The following ZNF292 variants were observed in gnomAD, a reference collection of about 807,000 sequenced individuals.
ZNF292 encodes 16 zinc-finger domain protein.
A neutral mutation model predicts 217.9 loss-of-function variants in ZNF292; 26 were observed. That is an observed-to-expected ratio of 0.12 (90% confidence interval 0.09 to 0.17). The LOEUF (loss-of-function observed/expected upper bound fraction) is 0.17, where lower values mean the gene tolerates loss of function less well. Among genes scored for constraint, ZNF292 ranks in the 10% least tolerant of loss-of-function variants. The pLI, the probability that ZNF292 is intolerant of heterozygous loss-of-function variation, is 1.00. For synonymous variants in ZNF292, 1,257 were observed against 1,124.1 expected, an observed-to-expected ratio of 1.12 and a Z score of -2.37; for missense variants, 2,904 against 3,175.2, an observed-to-expected ratio of 0.91 and a Z score of 2.05.
At chr6:87,190,220 C>G (rs1771785426) in intron 1 of ZNF292, among the ~76,000 whole-genome samples, 1 of 152,150 alleles carries the variant, frequency 6.6e-6, no homozygotes, top group African/African-American at 2.4e-5. Context: ...TCCTTGCTAA[C>G]CATAATACCA....
At chr6:87,196,400 C>G (rs1037723919) in intron 1 of ZNF292, among the ~76,000 whole-genome samples, 28 of 152,134 alleles carry the variant, frequency 1.8e-4, no homozygotes, top group Admixed American at 8.5e-4. Flanking sequence ...CCTCTTTTGA[C>G]TGTTTACTTT....
At chr6:87,238,259 G>A (rs1282330250) in intron 5 of ZNF292, among the ~76,000 whole-genome samples, 1 of 151,980 alleles carries the variant, frequency 6.6e-6, no homozygotes, top group African/African-American at 2.4e-5. Flanking sequence ...CACCAAAGTG[G>A]GTGTATCACC....
intron 1 of ZNF292, among the ~76,000 whole-genome samples, chr6:87,186,792 A>G (rs1771674605): frequency 6.6e-6 from 1 of 152,212 alleles, no homozygotes; most frequent in Non-Finnish European, 1.5e-5. Flanking sequence ...GATAATTTGG[A>G]GTGGAAGGAT....
At chr6:87,180,114 A>G (rs1286458772) in intron 1 of ZNF292, among the ~76,000 whole-genome samples, 1 of 152,238 alleles carries the variant, frequency 6.6e-6, no homozygotes, top group Non-Finnish European at 1.5e-5. Context: ...TGGGCCACAC[A>G]TAACATACAC....
At chr6:87,220,753 C>G (rs192929579) in intron 4 of ZNF292, among the ~76,000 whole-genome samples, 1 of 152,136 alleles carries the variant, frequency 6.6e-6, no homozygotes, top group Admixed American at 6.5e-5. Flanking sequence ...ATGTCTCTGC[C>G]CATCTCTGTG....
chr6:87,199,790 G>A (rs1204237639), intron 1 of ZNF292, among the ~76,000 whole-genome samples: 2 of 152,136 alleles, frequency 1.3e-5, no homozygotes, highest in African/African-American at 4.8e-5. Context: ...TATACAATGA[G>A]TATAAATGAC....
chr6:87,226,605 C>T (rs1021565358), intron 4 of ZNF292, among the ~76,000 whole-genome samples: 1 of 148,334 alleles, frequency 6.7e-6, no homozygotes, highest in Non-Finnish European at 1.5e-5. Flanking sequence ...AGCTCCTAGA[C>T]AAGGACATTA....
chr6:87,244,978 T>C (rs1441082203), intron 6 of ZNF292, among the ~76,000 whole-genome samples: 1 of 152,176 alleles, frequency 6.6e-6, no homozygotes, highest in Non-Finnish European at 1.5e-5. Flanking sequence ...CAGTGGCTCA[T>C]GCCTGTAATC....
chr6:87,159,576 C>T (rs971725488), intron 1 of ZNF292, among the ~76,000 whole-genome samples: 1 of 150,500 alleles, frequency 6.6e-6, no homozygotes, highest in African/African-American at 2.5e-5. Context: ...AATCTGGGCT[C>T]ACCACAACCT....
intron 1 of ZNF292, among the ~76,000 whole-genome samples, chr6:87,159,688 G>C (rs1770664916): frequency 6.6e-6 from 1 of 151,780 alleles, no homozygotes; most frequent in South Asian, 2.1e-4. Context: ...TTTTACTAGA[G>C]ACAGGGTTTC....
rs1220109850 is a variant in ZNF292, at chr6:87,260,777, T to G, written c.7148T>G (p.Val2383Gly). 1.2e-6 allele frequency: 2 copies of G among 1,613,288 alleles called. No homozygotes were observed. The highest frequency in any genetic ancestry group is 1.7e-6 in the Non-Finnish European group (2 of 1,179,626). The change falls in exon 8 of 8, where the codon GTA (valine) becomes GGA (glycine). Residue 2383 changes from valine (V) to glycine (G), a missense_variant. By Grantham distance (109) the Val-to-Gly change is moderately radical. This residue lies in a region of ZNF292 where 27 missense variants were observed against 52.3 expected (regional missense o/e 0.52). Coordinates refer to ENST00000369577, the MANE Select transcript of ZNF292 (RefSeq NM_015021.3). ...CTGTCTGAGTGTACAAGCAGATTTG[T>G]AACCCAGTATCCATGTATGATAAAG... is the stretch of plus-strand genomic sequence containing the variant. ...DALSECTSRFVTQYPCMIKGC... is the reference protein window; with the variant it reads ...DALSECTSRFGTQYPCMIKGC...
In ZNF292 at chr6:87,264,360, C is replaced by G. The variant is rs1671889160; in HGVS notation, c.*2559C>G. Among the ~76,000 whole-genome samples the G allele has an allele frequency of 6.6e-6, 1 of 152,116 alleles. No homozygotes were observed. Among genetic ancestry groups the G allele is most frequent in the African/African-American group, 2.4e-5 (1 of 41,406 alleles). ...ATACATCACCTTAAGTGAAATGTAA[C>G]AGTTTTTGAAATTTTCAACGGTGTT... On this transcript the variant is annotated 3_prime_UTR_variant, in exon 8 of 8. Coordinates refer to ENST00000369577, the MANE Select transcript of ZNF292 (RefSeq NM_015021.3).
In ZNF292 at chr6:87,255,924, C is replaced by T. The variant is rs201624150; in HGVS notation, c.2295C>T (p.Ala765=). The T allele has an allele frequency of 1.3e-4, 205 of 1,613,336 alleles. 1 individual carries two copies. The Admixed American group carries it at 2.2e-3, about 17-fold the overall frequency. ...MKCKAGFNSY[A]ELLTHRKEHQ... is the part of the protein sequence containing the mutation. Reference sequence around the variant, plus strand: ...GTAAAGCTGGTTTTAATAGTTACGCCGAGCTTTTAACCCACCGAAAGGAGC... The same window carrying T: ...GTAAAGCTGGTTTTAATAGTTACGCTGAGCTTTTAACCCACCGAAAGGAGC... The change falls in exon 8 of 8, where the codon GCC becomes GCT. Residue 765 remains alanine (A), a synonymous_variant. Transcript: ENST00000369577.
chr6:87,161,975 A>G (rs1770769379), intron 1 of ZNF292, among the ~76,000 whole-genome samples: 1 of 152,172 alleles, frequency 6.6e-6, no homozygotes. Context: ...AGCTCATTCC[A>G]TAGCTGCTCA....
At chr6:87,163,325 C>T (rs547040108) in intron 1 of ZNF292, among the ~76,000 whole-genome samples, 1 of 152,096 alleles carries the variant, frequency 6.6e-6, no homozygotes, top group East Asian at 1.9e-4. Context: ...GTGATGGACA[C>T]CTGTTGTCCC....
At chr6:87,238,688 TA>T (rs771117627) in intron 5 of ZNF292, among the ~76,000 whole-genome samples, 36 of 147,448 alleles carry the variant, frequency 2.4e-4, no homozygotes, top group Non-Finnish European at 4.9e-4. Flanking sequence ...TTGATTTATA[TA>T]TTTTTTTTTT....
chr6:87,256,069 T>A lies in ZNF292; in HGVS notation c.2440T>A (p.Cys814Ser). Reference sequence around the variant, plus strand: ...TACGTACACTTGTAAGTTCACAGGTTGTGGTAAAGTTTATCGTTCTCAGGG... The same window carrying A: ...TACGTACACTTGTAAGTTCACAGGTAGTGGTAAAGTTTATCGTTCTCAGGG... ...YNTYTCKFTG[C>S]GKVYRSQGEL... Residue 814 changes from cysteine (C) to serine (S), a missense_variant, in exon 8 of 8, where the codon TGT becomes AGT. Physicochemically the swap from Cys to Ser is moderately radical, Grantham distance 112. Transcript: ENST00000369577. The A allele has an allele frequency of 6.2e-7, 1 of 1,611,840 alleles. No homozygotes were observed.
rs149702311 is a variant in ZNF292, at chr6:87,166,382, T to C, written c.168+10623T>C. 9.5e-4 allele frequency among the ~76,000 whole-genome samples: 144 copies of C among 152,220 alleles called. 1 individual carries two copies. The highest frequency in any genetic ancestry group is 3.4e-3 in the African/African-American group (142 of 41,538). The stretch of plus-strand genomic sequence containing the variant: ...GAGCTCCCCCACAATCTGGGAGAAA[T>C]ATTTAGCTCTGTAAGTCATGCTTTC... On this transcript the variant is annotated intron_variant, in intron 1 of 7. Transcript: ENST00000369577.
At chr6:87,189,453 A>T (rs1771764541) in intron 1 of ZNF292, among the ~76,000 whole-genome samples, 1 of 150,534 alleles carries the variant, frequency 6.6e-6, no homozygotes, top group African/African-American at 2.4e-5. Context: ...GTTTTTCTTA[A>T]TTTTTTTTTC....
Sources: gnomAD v4.1 joint callset for allele counts (sites outside exome capture counted in the v4.1 genomes callset) on GRCh38, gnomAD v4.1.1 for gene constraint, gnomAD v4.1.1 regional missense constraint, MANE v1.5 for transcripts, NCBI Gene and HGNC (gene_info 2026-07-23, HGNC 2026-07-21) for gene names.